Variants in ADAM28 observed in about 807,000 individuals in gnomAD.
ADAM28 encodes disintegrin and metalloproteinase domain-containing protein 28.
In ADAM28, 105 loss-of-function variants were observed where a neutral mutation model predicts 101.2. That is an observed-to-expected ratio of 1.04 (90% CI 0.89 to 1.22). The LOEUF (loss-of-function observed/expected upper bound fraction) is 1.22, where lower values mean the gene tolerates loss of function less well. Among genes scored for constraint, ADAM28 ranks in the 50% most tolerant of loss-of-function variants. ADAM28 has a pLI of 0.00. For missense variants in ADAM28, 1,028 were observed against 945.4 expected (o/e 1.09, Z -1.15); for synonymous variants, 322 against 310.6 (o/e 1.04, Z -0.39).
intron 9 of ADAM28, among the ~76,000 whole-genome samples, chr8:24,325,272 A>G (rs2129293978): frequency 6.6e-6 from 1 of 152,154 alleles, no homozygotes; most frequent in East Asian, 1.9e-4. Context: ...ATAAATGACG[A>G]TACAATGTCA....
At position 24,343,512 on chromosome 8, in the gene ADAM28, G is replaced by A. The variant is rs1376021891; in HGVS notation, c.1918G>A (p.Asp640Asn). The A allele has an allele frequency of 6.2e-7, 1 of 1,613,620 alleles. No homozygotes were observed. The highest frequency in any genetic ancestry group is 1.3e-5 in the African/African-American group (1 of 74,898). ...AGGATCATTGCTCCCCTAGGTGTGT[G>A]ACCATGAGCTCCAGTGTCAATGTGA... ...SSKCKGHAVC[D>N]HELQCQCEEG... is the part of the protein sequence containing the mutation. Residue 640 changes from aspartate to asparagine, a missense_variant, in exon 18 of 23, where the codon GAC (aspartate) becomes AAC (asparagine). Physicochemically the swap from Asp to Asn is conservative, Grantham distance 23. Transcript: ENST00000265769.
chr8:24,347,538 CAA>C (rs1360219472), intron 18 of ADAM28, among the ~76,000 whole-genome samples: 1 of 151,968 alleles, frequency 6.6e-6, no homozygotes, highest in African/African-American at 2.4e-5. Context: ...TTTTGTTTAT[CAA>C]GTTTATTAAT....
Position 24,332,676 on chromosome 8 carries a change from G to T in ADAM28, c.1298G>T (p.Cys433Phe). 4 of 1,513,490 alleles carry T rather than the reference G, an allele frequency of 2.6e-6. No individual in the cohort carries two copies. The highest frequency in any genetic ancestry group is 2.8e-5 in the South Asian group (2 of 71,144). 93.8% of individuals were successfully genotyped at this position (1,513,490 alleles called of 1,614,324 possible). A position where few individuals can be genotyped will look rare whatever the true frequency, so the allele number is the denominator to read the frequency against. ...CGTSEECTNICCDAKTCKIKA... is the reference protein window; with the variant it reads ...CGTSEECTNIFCDAKTCKIKA... ...ATTTCTTAGGAATGTACCAATATTT[G>T]CTGTGATGCTAAGACATGTAAAATC... is the stretch of plus-strand genomic sequence containing the variant. Residue 433 changes from cysteine to phenylalanine, a missense_variant, in exon 13 of 23, where the codon TGC becomes TTC. Physicochemically the swap from Cys to Phe is radical, Grantham distance 205 (BLOSUM62 -2). Transcript: ENST00000265769.
chr8:24,347,470 A>T (rs940648766), intron 18 of ADAM28, among the ~76,000 whole-genome samples: 10 of 151,804 alleles, frequency 6.6e-5, no homozygotes, highest in African/African-American at 2.4e-4. Flanking sequence ...TTTTATATTC[A>T]TGGGTGATAT....
At chr8:24,340,846 C>G (rs994693427) in intron 15 of ADAM28, 2 of 152,194 alleles carry the variant, frequency 1.3e-5, no homozygotes, top group Admixed American at 1.3e-4. Context: ...TTTTTCACAG[C>G]CCTCTTCCGA....
intron 2 of ADAM28, among the ~76,000 whole-genome samples, chr8:24,307,409 T>C (rs1466097484): frequency 6.6e-6 from 1 of 152,206 alleles, no homozygotes; most frequent in Admixed American, 6.5e-5. Flanking sequence ...CTTTCTGACT[T>C]GATCACACAT....
intron 12 of ADAM28, among the ~76,000 whole-genome samples, chr8:24,331,681 TA>T (rs1813385589): frequency 6.6e-6 from 1 of 152,054 alleles, no homozygotes; most frequent in African/African-American, 2.4e-5. Flanking sequence ...GTGCCCAGAG[TA>T]CAAATAGCTT....
chr8:24,345,361 CATATT>C (rs1815284746), intron 18 of ADAM28, among the ~76,000 whole-genome samples: 1 of 151,960 alleles, frequency 6.6e-6, no homozygotes, highest in Non-Finnish European at 1.5e-5. Context: ...GTGTGATCTC[CATATT>C]ATATTCCATA....
At chr8:24,322,598 C>T (rs1251538741) in intron 8 of ADAM28, 1 of 151,944 alleles carries the variant, frequency 6.6e-6, no homozygotes, top group Non-Finnish European at 1.5e-5. Context: ...CCCCTGTGTT[C>T]AAGGGCAGAA....
At chr8:24,335,903 A>C in intron 14 of ADAM28, 1 of 1,145,790 alleles carries the variant, frequency 8.7e-7, no homozygotes, top group Non-Finnish European at 1.1e-6. Context: ...GCATCAGTAT[A>C]TCCCATGCAA....
At chr8:24,314,548 G>C (rs1810902164) in intron 6 of ADAM28, among the ~76,000 whole-genome samples, 1 of 151,966 alleles carries the variant, frequency 6.6e-6, no homozygotes, top group Non-Finnish European at 1.5e-5. Context: ...GAGTCTGTGA[G>C]CAAAGGGTAT....
At chr8:24,319,399 G>A (rs906589009) in intron 6 of ADAM28, among the ~76,000 whole-genome samples, 1 of 151,960 alleles carries the variant, frequency 6.6e-6, no homozygotes, top group African/African-American at 2.4e-5. Flanking sequence ...AGCTCACATG[G>A]TGATTTCACT....
chr8:24,300,090 A>G lies in ADAM28; in HGVS notation c.150+13A>G. On this transcript the variant is annotated intron_variant, in intron 2 of 22. Coordinates refer to ENST00000265769, the MANE Select transcript of ADAM28 (RefSeq NM_014265.6). ...GCCAGAGCAACAGGTACAGCTTTTGATTTATCAAAGGATCTTGATTTGAGA... is the reference window on the plus strand; with the variant it reads ...GCCAGAGCAACAGGTACAGCTTTTGGTTTATCAAAGGATCTTGATTTGAGA... 6.3e-7 allele frequency: 1 copy of G among 1,599,334 alleles called. No individual in the cohort carries two copies. The highest frequency in any genetic ancestry group is 8.5e-7 in the Non-Finnish European group (1 of 1,170,272).
intron 9 of ADAM28, among the ~76,000 whole-genome samples, chr8:24,325,883 A>C (rs986242321): frequency 6.1e-5 from 7 of 114,672 alleles, no homozygotes; most frequent in East Asian, 3.9e-4. Flanking sequence ...AAAAAAAAAA[A>C]AAAAAAAAAA....
chr8:24,317,749 A>G (rs1416132957), intron 6 of ADAM28, among the ~76,000 whole-genome samples: 1 of 152,024 alleles, frequency 6.6e-6, no homozygotes, highest in African/African-American at 2.4e-5. Context: ...AATCTAAAAA[A>G]GGGGGTGAGG....
In ADAM28 at chr8:24,326,121, A is replaced by G. The variant is rs181403614; in HGVS notation, c.891-433A>G. The stretch of plus-strand genomic sequence containing the variant: ...CTTTCAAAATGGGCCCAATCCCTAA[A>G]CCTACTGTAGCTAAAACAATGCTAA... On this transcript the variant is annotated intron_variant, in intron 9 of 22. Coordinates refer to ENST00000265769, the MANE Select transcript of ADAM28 (RefSeq NM_014265.6). Among the ~76,000 whole-genome samples the G allele has an allele frequency of 3.3e-5, 5 of 151,856 alleles. No individual in the cohort carries two copies. In the East Asian group the frequency reaches 9.7e-4, roughly 30 times the overall value.
chr8:24,347,402 A>G (rs1340323089), intron 18 of ADAM28, among the ~76,000 whole-genome samples: 1 of 152,042 alleles, frequency 6.6e-6, no homozygotes, highest in Non-Finnish European at 1.5e-5. Context: ...CTAGTCGCAT[A>G]AAGTGTATTG....
chr8:24,341,946 G>A (rs1004501612), intron 16 of ADAM28, among the ~76,000 whole-genome samples, 189 bp downstream of exon 16: 1 of 152,090 alleles, frequency 6.6e-6, no homozygotes, highest in Non-Finnish European at 1.5e-5. Flanking sequence ...GTAAATAGCA[G>A]GAATAAGCAC....
At chr8:24,302,120 G>A (rs1808862600) in intron 2 of ADAM28, among the ~76,000 whole-genome samples, 1 of 152,104 alleles carries the variant, frequency 6.6e-6, no homozygotes, top group Admixed American at 6.5e-5. Flanking sequence ...TCCTCAGAGT[G>A]TGTTGTTCCC....
Sources: gnomAD v4.1 joint callset for allele counts (sites outside exome capture counted in the v4.1 genomes callset) on GRCh38, gnomAD v4.1.1 for gene constraint, MANE v1.5 for transcripts, NCBI Gene and HGNC (gene_info 2026-07-23, HGNC 2026-07-21) for gene names.